The following ERMP1 variants were observed in gnomAD, a reference collection of about 807,000 sequenced individuals.
ERMP1 encodes Felix-ina.
A neutral mutation model predicts 92.0 loss-of-function variants in ERMP1; 86 were observed. That is an observed-to-expected ratio of 0.93 (90% confidence interval 0.79 to 1.12). The LOEUF is 1.12. ERMP1 is among the 50% of genes most tolerant of loss of function. The probability of loss-of-function intolerance (pLI) is 0.00; values close to 1 mark genes in which losing one functional copy is unlikely to be tolerated. For synonymous variants in ERMP1, 530 were observed against 412.8 expected (o/e 1.28, Z -3.44); for missense variants, 1,342 against 1,116.3 (o/e 1.20, Z -2.88).
At position 5,787,083 on chromosome 9, in the gene ERMP1, A is replaced by G. The variant is rs1586757469; in HGVS notation, c.*61T>C. On this transcript the variant is annotated 3_prime_UTR_variant, in exon 15 of 15. Transcript: ENST00000339450. ...TACGTTACAAACATCCACGTAACATAGGGAGAAACCATGTCACATGGAGTA... is the reference window on the plus strand; with the variant it reads ...TACGTTACAAACATCCACGTAACATGGGGAGAAACCATGTCACATGGAGTA... The G allele has an allele frequency of 1.4e-6, 2 of 1,448,702 alleles. No individual in the cohort carries two copies. Among genetic ancestry groups the G allele is most frequent in the Non-Finnish European group, 1.9e-6 (2 of 1,062,002 alleles). The allele number at this position is 1,448,702 out of a possible 1,614,324, so 89.7% of individuals were successfully genotyped here. A position where few individuals can be genotyped will look rare whatever the true frequency, so the allele number is the denominator to read the frequency against.
At chr9:5,790,910 A>C (rs561912282) in intron 13 of ERMP1, among the ~76,000 whole-genome samples, 1 of 152,350 alleles carries the variant, frequency 6.6e-6, no homozygotes, top group African/African-American at 2.4e-5. Context: ...TGAGGGTTAC[A>C]TGGGTATATA....
intron 3 of ERMP1, 55 bp downstream of exon 3, chr9:5,825,034 CTAT>C: frequency 1.3e-6 from 2 of 1,493,284 alleles, no homozygotes; most frequent in Non-Finnish European, 1.9e-6. Flanking sequence ...TAATATTTAG[CTAT>C]TATTATTAAT....
chr9:5,855,937 T>C (rs1318827548), intron 6 of ERMP1: 1 of 265,332 alleles, frequency 3.8e-6, no homozygotes. Context: ...TACTGTCTTA[T>C]CCTGGCAGCA....
At chr9:5,862,155 A>C (rs532163745) in intron 5 of ERMP1, among the ~76,000 whole-genome samples, 6 of 152,062 alleles carry the variant, frequency 3.9e-5, no homozygotes, top group African/African-American at 1.4e-4. Context: ...TCAGCCTCCC[A>C]AGTAGCTGGG....
At chr9:5,797,555 G>T (rs922677681) in intron 13 of ERMP1, among the ~76,000 whole-genome samples, 1 of 151,740 alleles carries the variant, frequency 6.6e-6, no homozygotes, top group African/African-American at 2.4e-5. Flanking sequence ...GGCTGAGGCA[G>T]GAGAATCACT....
intron 8 of ERMP1, among the ~76,000 whole-genome samples, chr9:5,808,913 AT>A (rs1234715834): frequency 5.3e-5 from 8 of 151,706 alleles, no homozygotes; most frequent in Non-Finnish European, 1.0e-4. Flanking sequence ...AATTTTTTGT[AT>A]TTTTTGTGGA....
chr9:5,848,445 G>C (rs1329523741), intron 6 of ERMP1, among the ~76,000 whole-genome samples: 1 of 152,164 alleles, frequency 6.6e-6, no homozygotes, highest in Admixed American at 6.5e-5. Context: ...AGAACTGTCA[G>C]ATAATACATT....
At chr9:5,831,377 G>A (rs912197058) in intron 1 of ERMP1, among the ~76,000 whole-genome samples, 1 of 152,158 alleles carries the variant, frequency 6.6e-6, no homozygotes, top group African/African-American at 2.4e-5. Context: ...AGGCTGAGGT[G>A]GGTGGATTGC....
intron 10 of ERMP1, among the ~76,000 whole-genome samples, chr9:5,804,509 C>G (rs113483757): frequency 6.6e-6 from 1 of 152,056 alleles, no homozygotes; most frequent in Admixed American, 6.5e-5. Context: ...AATGAAGGCA[C>G]GTTTGGGTGT....
intron 13 of ERMP1, among the ~76,000 whole-genome samples, chr9:5,795,759 CAG>C (rs1301153285): frequency 6.6e-6 from 1 of 152,020 alleles, no homozygotes; most frequent in Non-Finnish European, 1.5e-5. Context: ...GCCTAGGTGA[CAG>C]AGTGAGACTG....
chr9:5,809,117 GTTCACGCCA>G (rs1394257298), intron 8 of ERMP1, among the ~76,000 whole-genome samples: 2 of 152,098 alleles, frequency 1.3e-5, no homozygotes, highest in Non-Finnish European at 2.9e-5. Flanking sequence ...CGCCTCCCGG[GTTCACGCCA>G]TTCTCCTGCC....
In ERMP1 at chr9:5,787,674, T is replaced by C; in HGVS notation, c.2387-81A>G. ...AACCCACAATCCAAACCAGACTTCA[T>C]AAAGGTTCATGCCTGCATGACTTTA... On this transcript the variant is annotated intron_variant, in intron 13 of 14. Coordinates refer to ENST00000339450, the MANE Select transcript of ERMP1 (RefSeq NM_024896.3). The C allele has an allele frequency of 2.2e-6, 3 of 1,385,138 alleles. No homozygotes were observed. In the Admixed American group the frequency reaches 6.4e-5, roughly 30 times the overall value. The allele number at this position is 1,385,138 out of a possible 1,614,324, so 85.8% of individuals were successfully genotyped here. A position where few individuals can be genotyped will look rare whatever the true frequency, so the allele number is the denominator to read the frequency against.
At chr9:5,831,097 A>T in intron 1 of ERMP1, 69 bp from the exon 2 acceptor site, 3 of 1,237,508 alleles carry the variant, frequency 2.4e-6, no homozygotes, top group Non-Finnish European at 2.3e-6. Flanking sequence ...TAACTTTTCC[A>T]CTACACACCC....
At chr9:5,859,433 A>C (rs1586845039) in intron 6 of ERMP1, among the ~76,000 whole-genome samples, 1 of 152,222 alleles carries the variant, frequency 6.6e-6, no homozygotes, top group Non-Finnish European at 1.5e-5. Context: ...GCTCTGAGGA[A>C]TTTAATAACT....
In ERMP1 at chr9:5,832,673, G is replaced by C. The variant is rs894662086; in HGVS notation, c.338+17C>G. 10 of 1,409,558 alleles carry C rather than the reference G, an allele frequency of 7.1e-6. No individual in the cohort carries two copies. Among genetic ancestry groups the C allele is most frequent in the African/African-American group, 6.0e-5 (4 of 66,566 alleles). The allele number at this position is 1,409,558 out of a possible 1,614,324, so 87.3% of individuals were successfully genotyped here. ...CAAACGGACGCGCGGGCCGTGCCAG[G>C]AGGGAGCGGCCGGTACCTGGCTTGG... On this transcript the variant is annotated intron_variant, in intron 1 of 14. Coordinates refer to ENST00000339450, the MANE Select transcript of ERMP1 (RefSeq NM_024896.3).
chr9:5,861,403 A>C (rs1336622038), intron 5 of ERMP1, among the ~76,000 whole-genome samples: 1 of 151,808 alleles, frequency 6.6e-6, no homozygotes, highest in African/African-American at 2.4e-5. Flanking sequence ...TTTCAAAATC[A>C]TACTTGCTGG....
At chr9:5,814,119 A>T (rs1401347865) in intron 4 of ERMP1, among the ~76,000 whole-genome samples, 1 of 152,180 alleles carries the variant, frequency 6.6e-6, no homozygotes, top group Non-Finnish European at 1.5e-5. Context: ...TTTCAAAGGC[A>T]TTAACATCAT....
At chr9:5,789,628 C>A (rs952850264) in intron 13 of ERMP1, among the ~76,000 whole-genome samples, 2 of 152,026 alleles carry the variant, frequency 1.3e-5, no homozygotes, top group African/African-American at 4.8e-5. Flanking sequence ...CACTGCTCTA[C>A]CACCTAGGCT....
At chr9:5,865,285 T>C (rs1028455239) in intron 5 of ERMP1, among the ~76,000 whole-genome samples, 18 of 151,422 alleles carry the variant, frequency 1.2e-4, no homozygotes, top group African/African-American at 4.4e-4. Flanking sequence ...GGCGGGTGGA[T>C]CACGAGGTCA....
Sources: gnomAD v4.1 joint callset for allele counts (sites outside exome capture counted in the v4.1 genomes callset) on GRCh38, gnomAD v4.1.1 for gene constraint, MANE v1.5 for transcripts, NCBI Gene and HGNC (gene_info 2026-07-23, HGNC 2026-07-21) for gene names.